The following NKAIN3 variants were observed in gnomAD, a reference collection of about 807,000 sequenced individuals.
NKAIN3 encodes sodium/potassium transporting ATPase interacting 3.
Under a neutral mutation model 30.2 loss-of-function variants are expected in NKAIN3, and 25 were observed. The ratio of observed to expected loss-of-function variants is 0.83; its 90% confidence interval spans 0.60 to 1.16. The LOEUF (loss-of-function observed/expected upper bound fraction) is 1.16. Among genes scored for constraint, NKAIN3 ranks in the 50% most tolerant of loss-of-function variants. The pLI is 0.00. For missense variants in NKAIN3, 225 were observed against 254.1 expected (o/e 0.89, Z 0.78); for synonymous variants, 91 against 89.6 (o/e 1.02, Z -0.09).
intron 4 of NKAIN3, among the ~76,000 whole-genome samples, chr8:62,854,532 G>C (rs1442875778): frequency 6.6e-6 from 1 of 152,066 alleles, no homozygotes; most frequent in Non-Finnish European, 1.5e-5. Context: ...GCTTTCTTCT[G>C]TTCTCCATTT....
At chr8:62,687,427 G>T (rs1408090843) in intron 3 of NKAIN3, among the ~76,000 whole-genome samples, 1 of 152,218 alleles carries the variant, frequency 6.6e-6, no homozygotes, top group African/African-American at 2.4e-5. Flanking sequence ...AGTTGCCTGA[G>T]TGGGGATTGT....
At chr8:62,280,397 T>A (rs1813139120) in intron 1 of NKAIN3, among the ~76,000 whole-genome samples, 1 of 152,078 alleles carries the variant, frequency 6.6e-6, no homozygotes, top group Non-Finnish European at 1.5e-5. Flanking sequence ...CCTGGCCAGA[T>A]CGTCCAACAT....
chr8:62,784,462 A>T (rs1260457153), intron 4 of NKAIN3, among the ~76,000 whole-genome samples: 1 of 152,034 alleles, frequency 6.6e-6, no homozygotes, highest in African/African-American at 2.4e-5. Flanking sequence ...ATTATTGACC[A>T]TACAGAAATT....
intron 1 of NKAIN3, among the ~76,000 whole-genome samples, chr8:62,266,674 A>G (rs1221192809): frequency 6.6e-6 from 1 of 152,098 alleles, no homozygotes; most frequent in Non-Finnish European, 1.5e-5. Flanking sequence ...AGGACTAGCT[A>G]AAACAGGGAA....
chr8:62,684,754 GGGGT>G (rs1212127578), intron 3 of NKAIN3, among the ~76,000 whole-genome samples: 1 of 152,134 alleles, frequency 6.6e-6, no homozygotes, highest in African/African-American at 2.4e-5. Context: ...TGAGGTCATT[GGGGT>G]GGGCCCTAAT....
chr8:62,919,807 T>C (rs1487906754), intron 5 of NKAIN3, among the ~76,000 whole-genome samples: 2 of 152,104 alleles, frequency 1.3e-5, no homozygotes, highest in Non-Finnish European at 2.9e-5. Context: ...TGGGGTCTTG[T>C]CTCAATTTAT....
chr8:62,290,549 T>A (rs1813562593), intron 1 of NKAIN3, among the ~76,000 whole-genome samples: 1 of 152,228 alleles, frequency 6.6e-6, no homozygotes, highest in Non-Finnish European at 1.5e-5. Context: ...CGTTTATTGA[T>A]TTGCATATGT....
chr8:62,372,037 A>G (rs1320821670), intron 1 of NKAIN3, among the ~76,000 whole-genome samples: 1 of 151,780 alleles, frequency 6.6e-6, no homozygotes, highest in Non-Finnish European at 1.5e-5. Flanking sequence ...TGTGTCAGAG[A>G]TATATCTTAG....
intron 4 of NKAIN3, among the ~76,000 whole-genome samples, chr8:62,788,877 C>G (rs377449534): frequency 6.6e-6 from 1 of 152,158 alleles, no homozygotes; most frequent in African/African-American, 2.4e-5. Context: ...GGGCTCTGTT[C>G]TGTTCCATTG....
chr8:62,605,908 G>A (rs1319797211), intron 3 of NKAIN3, among the ~76,000 whole-genome samples: 1 of 152,134 alleles, frequency 6.6e-6, no homozygotes, highest in Non-Finnish European at 1.5e-5. Flanking sequence ...TGAGAATTAT[G>A]ATAATGGAAG....
chr8:62,933,740 A>G (rs906170928), intron 5 of NKAIN3, among the ~76,000 whole-genome samples: 19 of 152,380 alleles, frequency 1.2e-4, no homozygotes, highest in East Asian at 7.7e-4. Context: ...AGCCAGAAGT[A>G]CAGTCAAATA....
chr8:62,737,185 C>T (rs943304979), intron 3 of NKAIN3, among the ~76,000 whole-genome samples: 1 of 152,172 alleles, frequency 6.6e-6, no homozygotes, highest in Non-Finnish European at 1.5e-5. Context: ...ATGATGTGAG[C>T]TCCTGAGTGG....
At chr8:62,596,805 G>C (rs1211359628) in intron 3 of NKAIN3, among the ~76,000 whole-genome samples, 1 of 152,044 alleles carries the variant, frequency 6.6e-6, no homozygotes, top group Non-Finnish European at 1.5e-5. Flanking sequence ...GAACAGCATA[G>C]GTTTGAGCAA....
In NKAIN3 at chr8:62,966,088, C is replaced by CT. The variant is rs1382126136; in HGVS notation, c.*684dup. ...AAGAGTAAAAGGATTAGTAGAACCC[C>CT]TTTCCCCTTTGGAGGGAATATGGGT... is the stretch of plus-strand genomic sequence containing the variant. On this transcript the variant is annotated 3_prime_UTR_variant, in exon 7 of 7. Coordinates refer to ENST00000623646, the MANE Select transcript of NKAIN3 (RefSeq NM_001304533.3). 51 of 982,904 alleles carry CT rather than the reference C, an allele frequency of 5.2e-5. No homozygotes were observed. The highest frequency in any genetic ancestry group is 5.7e-5 in the Non-Finnish European group (47 of 827,824). The allele number at this position is 982,904 out of a possible 1,614,324, so 60.9% of individuals were successfully genotyped here. A position where few individuals can be genotyped will look rare whatever the true frequency, so the allele number is the denominator to read the frequency against.
At chr8:62,586,603 G>C (rs1475940819) in intron 2 of NKAIN3, among the ~76,000 whole-genome samples, 2 of 152,028 alleles carry the variant, frequency 1.3e-5, no homozygotes, top group Non-Finnish European at 2.9e-5. Context: ...GTATATGAAA[G>C]AATGAATGAA....
chr8:62,591,817 A>C (rs1165382292), intron 3 of NKAIN3, among the ~76,000 whole-genome samples: 1 of 152,000 alleles, frequency 6.6e-6, no homozygotes, highest in African/African-American at 2.4e-5. Context: ...GTTTAGCCTC[A>C]ATTCCAGTCT....
rs929591153 is a variant in NKAIN3, at chr8:62,490,098, T to C, written c.55-89441T>C. On this transcript the variant is annotated intron_variant, in intron 1 of 6. Transcript: ENST00000623646. The stretch of plus-strand genomic sequence containing the variant: ...GTAATCATAACTATGATAGTCTTTC[T>C]GGTGTGTCAACTTGGCACTGTACAT... 3.3e-5 allele frequency among the ~76,000 whole-genome samples: 5 copies of C among 152,234 alleles called. No individual in the cohort carries two copies. The East Asian group carries it at 7.7e-4, about 23-fold the overall frequency.
At chr8:62,404,636 C>T (rs1298482899) in intron 1 of NKAIN3, among the ~76,000 whole-genome samples, 1 of 152,126 alleles carries the variant, frequency 6.6e-6, no homozygotes, top group Non-Finnish European at 1.5e-5. Flanking sequence ...TTCATGGAGC[C>T]TCCCCTGCCC....
chr8:62,353,820 A>G (rs1438856604), intron 1 of NKAIN3, among the ~76,000 whole-genome samples: 4 of 152,222 alleles, frequency 2.6e-5, no homozygotes, highest in Non-Finnish European at 5.9e-5. Context: ...TGGGATTGAA[A>G]CAGACACAAA....
Sources: allele counts gnomAD v4.1 joint callset (sites outside exome capture counted in the v4.1 genomes callset), GRCh38; gene constraint gnomAD v4.1.1; transcripts MANE v1.5; gene names NCBI Gene and HGNC (gene_info 2026-07-23, HGNC 2026-07-21).